The following UAP1 variants were observed in gnomAD, a reference collection of about 807,000 sequenced individuals.
UAP1 encodes the protein UDP-N-acetylglucosamine pyrophosphorylase 1, also known as UDP-N-acetylhexosamine pyrophosphorylase.
In UAP1, 25 loss-of-function variants were observed where a neutral mutation model predicts 58.5. The observed-to-expected ratio is 0.43, with a 90% CI of 0.31 to 0.60. The LOEUF (loss-of-function observed/expected upper bound fraction) is 0.60. Among genes scored for constraint, UAP1 ranks in the 20% least tolerant of loss-of-function variants. UAP1 has a pLI of 0.11. For synonymous variants in UAP1, 208 were observed against 213.0 expected (o/e 0.98, Z 0.21); for missense variants, 575 against 630.0 (o/e 0.91, Z 0.93).
chr1:162,561,937 G>T (rs1265048427), intron 1 of UAP1, among the ~76,000 whole-genome samples, 160 bp downstream of exon 1: 1 of 152,208 alleles, frequency 6.6e-6, no homozygotes, highest in Non-Finnish European at 1.5e-5. Flanking sequence ...GGAGCCTCCC[G>T]CTCGCCCGCA....
At chr1:162,596,450 CA>C (rs1655625268) in intron 9 of UAP1, among the ~76,000 whole-genome samples, 1 of 152,196 alleles carries the variant, frequency 6.6e-6, no homozygotes, top group African/African-American at 2.4e-5. Flanking sequence ...GCTGGGATTA[CA>C]GGTGTGAGCC....
At chr1:162,599,968 A>G (rs1043211659), downstream of UAP1, 2 of 152,224 alleles carry the variant, frequency 1.3e-5, no homozygotes, top group East Asian at 1.9e-4. Flanking sequence ...TTCAGTGAAT[A>G]TCTAACTTTG....
At chr1:162,585,423 ATT>A (rs1187473631) in intron 5 of UAP1, among the ~76,000 whole-genome samples, 1 of 146,552 alleles carries the variant, frequency 6.8e-6, no homozygotes, top group East Asian at 2.0e-4. Context: ...TGCCTGGCTA[ATT>A]TTTTTTTTTA....
intron 2 of UAP1, among the ~76,000 whole-genome samples, chr1:162,568,523 C>T (rs1653666106): frequency 6.6e-6 from 1 of 152,194 alleles, no homozygotes; most frequent in South Asian, 2.1e-4. Context: ...GGATCTTCTT[C>T]AAGGAGGTGC....
chr1:162,597,722 G>A, intron 9 of UAP1, 70 bp from the exon 10 acceptor site: 1 of 1,312,120 alleles, frequency 7.6e-7, no homozygotes. Context: ...GAAAGTTATG[G>A]TTTGTACTTT....
intron 3 of UAP1, among the ~76,000 whole-genome samples, chr1:162,577,435 CTTTTTTTT>C (rs67627704): frequency 6.3e-5 from 6 of 95,212 alleles, no homozygotes; most frequent in East Asian, 3.1e-4. Context: ...AGTTCCTTCC[CTTTTTTTT>C]TTTTTTTTTT....
chr1:162,583,176 G>T (rs527931137), intron 5 of UAP1, among the ~76,000 whole-genome samples: 2 of 96,404 alleles, frequency 2.1e-5, no homozygotes, highest in Non-Finnish European at 3.8e-5. Flanking sequence ...TTTTTGAGAC[G>T]CAGTCTTGCA....
intron 2 of UAP1, among the ~76,000 whole-genome samples, chr1:162,572,348 A>G (rs929821250): frequency 3.3e-5 from 5 of 152,252 alleles, no homozygotes; most frequent in Admixed American, 2.6e-4. Flanking sequence ...TCTAAGGAAG[A>G]GAAAAGTTTA....
At chr1:162,580,555 T>A (rs796284240) in intron 4 of UAP1, among the ~76,000 whole-genome samples, 41 of 152,368 alleles carry the variant, frequency 2.7e-4, no homozygotes, top group African/African-American at 8.7e-4. Context: ...TTTATGTTTA[T>A]GAGAATCTGT....
At chr1:162,592,469 G>A (rs909871097) in intron 8 of UAP1, among the ~76,000 whole-genome samples, 8 of 152,164 alleles carry the variant, frequency 5.3e-5, no homozygotes, top group Non-Finnish European at 1.0e-4. Flanking sequence ...AGCAGCAGTG[G>A]TAGCTTTCAT....
chr1:162,597,838 C>G (rs1467857062), exon 10 of UAP1: 1 of 1,613,222 alleles, frequency 6.2e-7, no homozygotes, highest in Admixed American at 1.7e-5. Context: ...AATCTCTCCT[C>G]TTATCTCCTA....
chr1:162,582,080 ATATATTATAGC>A (rs1462187162), intron 5 of UAP1, among the ~76,000 whole-genome samples: 1 of 152,176 alleles, frequency 6.6e-6, no homozygotes, highest in Non-Finnish European at 1.5e-5. Context: ...CAAAAAATAT[ATATATTATAGC>A]TAGAAATAAA....
chr1:162,576,736 G>T, intron 2 of UAP1, 41 bp from the exon 3 acceptor site: 1 of 1,566,490 alleles, frequency 6.4e-7, no homozygotes, highest in South Asian at 1.1e-5. Context: ...CTAAAGTGTT[G>T]AATTGTAGAG....
At chr1:162,591,417 TAAA>T (rs1557979229) in intron 8 of UAP1, among the ~76,000 whole-genome samples, 2 of 152,152 alleles carry the variant, frequency 1.3e-5, no homozygotes, top group African/African-American at 4.8e-5. Flanking sequence ...TTTGAGAAGT[TAAA>T]AAAAGAAGGT....
chr1:162,570,639 G>C (rs1653804608), intron 2 of UAP1, among the ~76,000 whole-genome samples: 1 of 152,108 alleles, frequency 6.6e-6, no homozygotes, highest in African/African-American at 2.4e-5. Flanking sequence ...TCAAAAACTG[G>C]TTCAGATAGA....
chr1:162,566,731 A>G (rs1186597918), intron 2 of UAP1, among the ~76,000 whole-genome samples: 2 of 151,786 alleles, frequency 1.3e-5, no homozygotes, highest in Non-Finnish European at 2.9e-5. Context: ...GGCTCAAGTG[A>G]TTCTCCTGCC....
chr1:162,562,046 A>G (rs755680313), intron 1 of UAP1, among the ~76,000 whole-genome samples: 5 of 152,298 alleles, frequency 3.3e-5, no homozygotes, highest in Non-Finnish European at 7.4e-5. Context: ...TGGCGGGGCC[A>G]GGGATGGAAT....
chr1:162,590,610 T>TA, intron 8 of UAP1, 99 bp downstream of exon 8: 1 of 1,040,694 alleles, frequency 9.6e-7, no homozygotes, highest in Non-Finnish European at 1.3e-6. Context: ...AGATCTTTTT[T>TA]AAAAAGCAAA....
In UAP1 at chr1:162,592,628, A is replaced by ACC. The variant is rs1157257223; in HGVS notation, c.1359-103_1359-102dup. ...GTCTCTTGGGACGAATTTATGATTTACCATAAATACATACCATTCAATCAA... is the reference window on the plus strand; with the variant it reads ...GTCTCTTGGGACGAATTTATGATTTACCCCATAAATACATACCATTCAATCAA... On this transcript the variant is annotated intron_variant, in intron 8 of 10. Transcript: ENST00000271469. 9 of 867,340 alleles carry ACC rather than the reference A, an allele frequency of 1.0e-5. 1 individual carries two copies. Among genetic ancestry groups the ACC allele is most frequent in the Admixed American group, 8.8e-5 (4 of 45,288 alleles). 53.7% of individuals were successfully genotyped at this position (867,340 alleles called of 1,614,324 possible). A position where few individuals can be genotyped will look rare whatever the true frequency, so the allele number is the denominator to read the frequency against.
Sources: gnomAD v4.1 joint callset for allele counts (sites outside exome capture counted in the v4.1 genomes callset) on GRCh38, gnomAD v4.1.1 for gene constraint, MANE v1.5 for transcripts, NCBI Gene and HGNC (gene_info 2026-07-23, HGNC 2026-07-21) for gene names.